The following VSX1 variants were observed in gnomAD, a reference collection of about 807,000 sequenced individuals.
VSX1 encodes visual system homeobox 1.
In VSX1, 23 loss-of-function variants were observed where a neutral mutation model predicts 23.6. The ratio of observed to expected loss-of-function variants is 0.97; its 90% confidence interval spans 0.70 to 1.38. The LOEUF (loss-of-function observed/expected upper bound fraction) is 1.38. Among genes scored for constraint, VSX1 ranks in the 40% most tolerant of loss-of-function variants. VSX1 has a pLI of 0.00. For missense variants in VSX1, 517 were observed against 495.4 expected, an observed-to-expected ratio of 1.04 and a Z score of -0.41; for synonymous variants, 247 against 215.1, an observed-to-expected ratio of 1.15 and a Z score of -1.30.
downstream of VSX1, chr20:25,070,916 T>C (rs1202204404): frequency 2.4e-6 from 1 of 417,702 alleles, no homozygotes; most frequent in Non-Finnish European, 4.7e-6. Flanking sequence ...TTAATTCTTA[T>C]AAAGAAAGAA....
chr20:25,079,592 G>A, intron 1 of VSX1, 78 bp from the exon 2 acceptor site: 2 of 1,470,878 alleles, frequency 1.4e-6, no homozygotes, highest in Non-Finnish European at 1.9e-6. Flanking sequence ...TGTGAGGATT[G>A]AAGTTATGAA....
At chr20:25,075,241 C>T (rs2089462914), downstream of VSX1, among the ~76,000 whole-genome samples, 1 of 152,188 alleles carries the variant, frequency 6.6e-6, no homozygotes, top group Admixed American at 6.5e-5. Flanking sequence ...CATATTTTCC[C>T]ATCAACTAGA....
At chr20:25,075,017 G>A (rs946029461), downstream of VSX1, among the ~76,000 whole-genome samples, 2 of 152,220 alleles carry the variant, frequency 1.3e-5, no homozygotes, top group Non-Finnish European at 1.5e-5. Flanking sequence ...TGTTGCTACA[G>A]AAAGGAACTG....
chr20:25,072,989 T>C (rs1600371998), downstream of VSX1, among the ~76,000 whole-genome samples: 1 of 152,330 alleles, frequency 6.6e-6, no homozygotes, highest in East Asian at 1.9e-4. Flanking sequence ...AATTCAGTCC[T>C]GCTGTCAGTC....
chr20:25,075,657 T>C lies in VSX1; in HGVS notation c.*604A>G, dbSNP rs2089472312. The C allele has an allele frequency of 6.6e-6, 1 of 152,420 alleles. No individual in the cohort carries two copies. Among genetic ancestry groups the C allele is most frequent in the Non-Finnish European group, 1.5e-5 (1 of 68,196 alleles). The allele number at this position is 152,420 out of a possible 1,614,324, so 9.4% of individuals were successfully genotyped here. A position where few individuals can be genotyped will look rare whatever the true frequency, so the allele number is the denominator to read the frequency against. On this transcript the variant is annotated 3_prime_UTR_variant, in exon 5 of 5. Transcript: ENST00000376709. Reference sequence around the variant, plus strand: ...GTTTAAATATGATCCCATGCTATTTTTAAAGGAAATGCAGAAACGACTAGA... The same window carrying C: ...GTTTAAATATGATCCCATGCTATTTCTAAAGGAAATGCAGAAACGACTAGA...
At chr20:25,071,154 G>T (rs2089369507), downstream of VSX1, 1 of 453,848 alleles carries the variant, frequency 2.2e-6, no homozygotes, top group African/African-American at 2.0e-5. Flanking sequence ...GGGCAGAAAA[G>T]CACAGAAACT....
Position 25,076,173 on chromosome 20 carries a change from G to T in VSX1, c.*88C>A. The stretch of plus-strand genomic sequence containing the variant: ...TTGTCAGAAGAAAATCAAACTGAGA[G>T]TATATGTCTTGGACAATTTTTGTCT... On this transcript the variant is annotated 3_prime_UTR_variant, in exon 5 of 5. Coordinates refer to ENST00000376709, the MANE Select transcript of VSX1 (RefSeq NM_014588.6). 6.4e-7 allele frequency: 1 copy of T among 1,569,700 alleles called. No homozygotes were observed.
intron 3 of VSX1, 140 bp downstream of exon 3, chr20:25,078,689 C>A: frequency 6.2e-7 from 1 of 1,607,270 alleles, no homozygotes; most frequent in African/African-American, 1.3e-5. Context: ...TCTTGTGGTG[C>A]CTTCAGCTAA....
downstream of VSX1, among the ~76,000 whole-genome samples, chr20:25,074,834 A>G (rs2089452177): frequency 6.6e-6 from 1 of 152,188 alleles, no homozygotes; most frequent in Admixed American, 6.5e-5. Context: ...ACCCTCTGGG[A>G]GGCAGAACCT....
intron 4 of VSX1, among the ~76,000 whole-genome samples, 189 bp from the exon 5 acceptor site, chr20:25,076,739 G>A (rs4813548): frequency 0.62 from 94,562 of 152,054 alleles, 30,145 homozygotes; most frequent in East Asian, 0.98. Context: ...GTCTGACCCC[G>A]GGTCACATCC....
downstream of VSX1, chr20:25,071,646 C>T (rs1439440151): frequency 2.1e-5 from 12 of 581,130 alleles, no homozygotes; most frequent in Non-Finnish European, 3.9e-5. Context: ...GTAAGAGCAG[C>T]TTTCTGCACC....
chr20:25,078,826 C>A lies in VSX1; in HGVS notation c.627+3G>T, dbSNP rs751619813. On this transcript the variant is annotated splice_donor_region_variant and intron_variant, in intron 3 of 4. Transcript: ENST00000376709. ...TGGAGCGGAGAAAAGGGACCCCAGA[C>A]ACCTGTATCCGGTCTTCGGGGAGCT... 1 of 1,614,154 alleles carries A rather than the reference C, an allele frequency of 6.2e-7. No individual in the cohort carries two copies. Among genetic ancestry groups the A allele is most frequent in the Admixed American group, 1.7e-5 (1 of 60,022 alleles).
intron 2 of VSX1, 66 bp downstream of exon 2, chr20:25,079,370 A>G: frequency 6.8e-7 from 1 of 1,474,478 alleles, no homozygotes; most frequent in Non-Finnish European, 9.2e-7. Flanking sequence ...TCTCAGATGC[A>G]GGTGCCATAA....
At chr20:25,079,661 C>A in intron 1 of VSX1, 147 bp from the exon 2 acceptor site, 1 of 703,916 alleles carries the variant, frequency 1.4e-6, no homozygotes, top group South Asian at 1.8e-5. Flanking sequence ...CCTACTAGAT[C>A]CCAGGCTCTG....
intron 4 of VSX1, among the ~76,000 whole-genome samples, chr20:25,076,911 C>T (rs1195374852): frequency 6.6e-6 from 1 of 152,186 alleles, no homozygotes; most frequent in Non-Finnish European, 1.5e-5. Flanking sequence ...TGTTTCAGTC[C>T]TTGAGAGCAA....
chr20:25,079,564 C>T (rs1302614178), intron 1 of VSX1, 50 bp from the exon 2 acceptor site: 1 of 1,542,854 alleles, frequency 6.5e-7, no homozygotes, highest in Non-Finnish European at 8.9e-7. Context: ...CATATCCCCT[C>T]TATTTCCTGG....
downstream of VSX1, chr20:25,070,949 A>G (rs2089364887): frequency 2.2e-6 from 1 of 450,582 alleles, no homozygotes; most frequent in African/African-American, 2.0e-5. Context: ...AGTACTTCTT[A>G]GTAGGTGATC....
chr20:25,071,347 C>A, downstream of VSX1: 1 of 454,004 alleles, frequency 2.2e-6, no homozygotes, highest in South Asian at 1.6e-5. Context: ...GTGGCTCACG[C>A]TGTAATCCTA....
Position 25,081,705 on chromosome 20 carries a change from C to A in VSX1, c.392G>T (p.Arg131Leu). Reference protein sequence around the residue: ...APSRPPPALGRQKRSDSVSTS... With the variant: ...APSRPPPALGLQKRSDSVSTS... The stretch of plus-strand genomic sequence containing the variant: ...GGAGACGCTGTCGCTGCGCTTCTGG[C>A]GGCCGAGCGCAGGCGGCGGACGGCT... The change falls in exon 1 of 5, where the codon CGC becomes CTC. Residue 131 changes from arginine to leucine, a missense_variant. Arg to Leu is a moderately radical substitution (Grantham distance 102, BLOSUM62 -2). Transcript: ENST00000376709. 3.3e-6 allele frequency: 5 copies of A among 1,504,378 alleles called. No individual in the cohort carries two copies. The highest frequency in any genetic ancestry group is 4.4e-6 in the Non-Finnish European group (5 of 1,134,088). The allele number at this position is 1,504,378 out of a possible 1,614,324, so 93.2% of individuals were successfully genotyped here. A position where few individuals can be genotyped will look rare whatever the true frequency, so the allele number is the denominator to read the frequency against.
Sources: gnomAD v4.1 joint callset for allele counts (sites outside exome capture counted in the v4.1 genomes callset) on GRCh38, gnomAD v4.1.1 for gene constraint, MANE v1.5 for transcripts, NCBI Gene and HGNC (gene_info 2026-07-23, HGNC 2026-07-21) for gene names.